The following SMIM13 variants were observed in gnomAD, a reference collection of about 807,000 sequenced individuals.
SMIM13 encodes the protein UPF0766 protein C6orf228.
Under a neutral mutation model 5.9 loss-of-function variants are expected in SMIM13, and 3 were observed. The observed-to-expected ratio is 0.51, with a 90% CI of 0.23 to 1.31. The LOEUF is 1.31. Among genes scored for constraint, SMIM13 ranks in the 40% most tolerant of loss-of-function variants. The pLI is 0.18. For synonymous variants in SMIM13, 55 were observed against 46.0 expected (o/e 1.19, Z -0.79); for missense variants, 85 against 109.9 (o/e 0.77, Z 1.01).
intron 1 of SMIM13, among the ~76,000 whole-genome samples, chr6:11,118,932 G>C (rs1201476419): frequency 6.6e-6 from 1 of 152,140 alleles, no homozygotes; most frequent in Non-Finnish European, 1.5e-5. Context: ...TGCCGAAGTC[G>C]GAAATAAGTT....
chr6:11,100,747 G>C (rs2113639055), intron 1 of SMIM13, among the ~76,000 whole-genome samples: 1 of 152,182 alleles, frequency 6.6e-6, no homozygotes, highest in South Asian at 2.1e-4. Context: ...TGGGGTTATA[G>C]ATTTTCACCC....
intron 1 of SMIM13, among the ~76,000 whole-genome samples, chr6:11,100,095 C>G (rs1165596598): frequency 6.6e-6 from 1 of 151,912 alleles, no homozygotes; most frequent in African/African-American, 2.4e-5. Context: ...GAGTCTCACT[C>G]TGTTGCCCAG....
At chr6:11,128,147 C>G (rs908796200) in intron 1 of SMIM13, among the ~76,000 whole-genome samples, 3 of 152,218 alleles carry the variant, frequency 2.0e-5, no homozygotes, top group Non-Finnish European at 2.9e-5. Context: ...GCCAACATGG[C>G]TCTGAGTCTC....
At chr6:11,125,658 C>T (rs955401204) in intron 1 of SMIM13, among the ~76,000 whole-genome samples, 8 of 152,180 alleles carry the variant, frequency 5.3e-5, no homozygotes, top group Non-Finnish European at 1.2e-4. Context: ...GCCACCCTCT[C>T]CTGACCTGTA....
At chr6:11,115,862 T>G (rs1758231968) in intron 1 of SMIM13, among the ~76,000 whole-genome samples, 1 of 151,282 alleles carries the variant, frequency 6.6e-6, no homozygotes, top group Admixed American at 6.6e-5. Flanking sequence ...TTTTTTTGTA[T>G]TTTTAGTAGA....
rs182387083 is a variant in SMIM13 at position 11,109,987 on chromosome 6, A to T, written c.76+15598A>T. ...TCCTTTGCGTATGGCAGTGTCCCCC[A>T]TTCATTCTAGGGGTTCCAGAATGAA... is the stretch of plus-strand genomic sequence containing the variant. On this transcript the variant is annotated intron_variant, in intron 1 of 1. Coordinates refer to ENST00000416247, the MANE Select transcript of SMIM13 (RefSeq NM_001135575.2). Among the ~76,000 whole-genome samples, 288 of 152,260 alleles carry T rather than the reference A, an allele frequency of 1.9e-3. 1 individual carries two copies. The highest frequency in any genetic ancestry group is 6.7e-3 in the African/African-American group (278 of 41,566).
At chr6:11,116,387 A>T (rs1472762110) in intron 1 of SMIM13, among the ~76,000 whole-genome samples, 1 of 152,204 alleles carries the variant, frequency 6.6e-6, no homozygotes, top group African/African-American at 2.4e-5. Context: ...GGAGTCATAT[A>T]AAGATTACAC....
chr6:11,128,425 C>G (rs1001661486), intron 1 of SMIM13, among the ~76,000 whole-genome samples: 1 of 152,180 alleles, frequency 6.6e-6, no homozygotes, highest in Non-Finnish European at 1.5e-5. Flanking sequence ...ACTGTCTACT[C>G]TCCTCTCCTC....
At chr6:11,118,337 A>G (rs1278000287) in intron 1 of SMIM13, among the ~76,000 whole-genome samples, 2 of 152,226 alleles carry the variant, frequency 1.3e-5, no homozygotes, top group African/African-American at 4.8e-5. Context: ...CTACTATGTT[A>G]TATAGTAGGA....
At chr6:11,133,516 C>T (rs1188499815) in intron 1 of SMIM13, among the ~76,000 whole-genome samples, 1 of 152,102 alleles carries the variant, frequency 6.6e-6, no homozygotes, top group Non-Finnish European at 1.5e-5. Flanking sequence ...CATTTCTATT[C>T]TATGCAACCA....
rs549957527 is a variant in SMIM13, at chr6:11,135,627, A to G, written c.*1025A>G. 4 of 152,758 alleles carry G rather than the reference A, an allele frequency of 2.6e-5. No individual in the cohort carries two copies. Among genetic ancestry groups the G allele is most frequent in the South Asian group, 2.1e-4 (1 of 4,828 alleles). The allele number at this position is 152,758 out of a possible 1,614,324, so 9.5% of individuals were successfully genotyped here. On this transcript the variant is annotated 3_prime_UTR_variant, in exon 2 of 2. Transcript: ENST00000416247. ...ACACCGGGAGAGACGTTCTGTGGAA[A>G]AATGCAGACATCAATGACTGTGGTT...
intron 1 of SMIM13, among the ~76,000 whole-genome samples, chr6:11,124,548 G>A (rs374181487): frequency 1.7e-4 from 26 of 152,164 alleles, no homozygotes; most frequent in African/African-American, 6.3e-4. Context: ...GGATCATATG[G>A]TGGTTTTATT....
chr6:11,112,340 C>T (rs1758179884), intron 1 of SMIM13, among the ~76,000 whole-genome samples: 1 of 152,130 alleles, frequency 6.6e-6, no homozygotes, highest in Non-Finnish European at 1.5e-5. Flanking sequence ...CAACCTCCAC[C>T]TCCCGGGTTC....
At chr6:11,113,602 G>T (rs184151278) in intron 1 of SMIM13, among the ~76,000 whole-genome samples, 47 of 152,126 alleles carry the variant, frequency 3.1e-4, no homozygotes, top group Non-Finnish European at 5.1e-4. Context: ...TTGAGATGGA[G>T]TCTTGCTTTG....
chr6:11,137,450 A>C lies in SMIM13; in HGVS notation c.*2848A>C, dbSNP rs898574614. On this transcript the variant is annotated 3_prime_UTR_variant, in exon 2 of 2. Coordinates refer to ENST00000416247, the MANE Select transcript of SMIM13 (RefSeq NM_001135575.2). ...AACTTACTGGAACTGCATCACAACT[A>C]CATTTGCAGTCTCAGTGGGAGGTGG... 3.3e-5 allele frequency: 5 copies of C among 151,846 alleles called. No homozygotes were observed. The highest frequency in any genetic ancestry group is 1.2e-4 in the African/African-American group (5 of 41,346). 9.4% of individuals were successfully genotyped at this position (151,846 alleles called of 1,614,324 possible). A position where few individuals can be genotyped will look rare whatever the true frequency, so the allele number is the denominator to read the frequency against.
chr6:11,097,726 T>C (rs572059822), intron 1 of SMIM13, among the ~76,000 whole-genome samples: 2 of 151,922 alleles, frequency 1.3e-5, no homozygotes, highest in South Asian at 4.2e-4. Context: ...GGGGTTAGGA[T>C]TTCAACATAT....
chr6:11,103,702 G>C (rs1758033668), intron 1 of SMIM13: 1 of 1,550,334 alleles, frequency 6.5e-7, no homozygotes, highest in South Asian at 1.2e-5. Flanking sequence ...CCTTAGAAGG[G>C]TGACTCTTGA....
intron 1 of SMIM13, among the ~76,000 whole-genome samples, chr6:11,109,475 TG>T (rs1581914350): frequency 6.6e-6 from 1 of 152,134 alleles, no homozygotes; most frequent in East Asian, 1.9e-4. Flanking sequence ...GCTTGAGCTC[TG>T]GGTAAACCTG....
chr6:11,119,693 C>T (rs1009611916), intron 1 of SMIM13, among the ~76,000 whole-genome samples: 8 of 151,582 alleles, frequency 5.3e-5, no homozygotes, highest in Admixed American at 3.3e-4. Flanking sequence ...TCTATAATAA[C>T]GATGATATTT....
Sources: allele counts gnomAD v4.1 joint callset (sites outside exome capture counted in the v4.1 genomes callset), GRCh38; gene constraint gnomAD v4.1.1; transcripts MANE v1.5; gene names NCBI Gene and HGNC (gene_info 2026-07-23, HGNC 2026-07-21).